Variants in APLP2 observed in about 807,000 individuals in gnomAD.
The protein encoded by APLP2 is CDEI box-binding protein.
A neutral mutation model predicts 89.9 loss-of-function variants in APLP2; 53 were observed. The observed-to-expected ratio is 0.59, with a 90% CI of 0.47 to 0.74. The LOEUF is 0.74. Among genes scored for constraint, APLP2 ranks in the 30% least tolerant of loss-of-function variants. The probability of loss-of-function intolerance (pLI) is 0.00; values close to 1 mark genes in which losing one functional copy is unlikely to be tolerated. For missense variants in APLP2, 973 were observed against 975.9 expected (o/e 1.00, Z 0.04); for synonymous variants, 372 against 348.6 (o/e 1.07, Z -0.75).
chr11:130,122,094 T>G (rs1949889616), intron 5 of APLP2, among the ~76,000 whole-genome samples: 1 of 152,200 alleles, frequency 6.6e-6, no homozygotes, highest in Non-Finnish European at 1.5e-5. Flanking sequence ...TTTGGATTTG[T>G]CTTATTGTTG....
At chr11:130,078,920 G>A (rs887528556) in intron 1 of APLP2, among the ~76,000 whole-genome samples, 2 of 151,542 alleles carry the variant, frequency 1.3e-5, no homozygotes, top group Non-Finnish European at 2.9e-5. Context: ...TAGCATCTTA[G>A]CTCTTCCCTT....
chr11:130,119,490 T>C (rs78995964), intron 3 of APLP2, among the ~76,000 whole-genome samples: 2,829 of 152,328 alleles, frequency 0.019, 44 homozygotes, highest in Non-Finnish European at 0.027. Context: ...CCCAGCTTTG[T>C]AACCACCATC....
rs918034567 is a variant in APLP2 at position 130,121,795 on chromosome 11, A to G, written c.698A>G (p.Tyr233Cys). 1.9e-5 allele frequency: 30 copies of G among 1,611,906 alleles called. No homozygotes were observed. Among genetic ancestry groups the G allele is most frequent in the Non-Finnish European group, 2.4e-5 (28 of 1,179,986 alleles). ...GAAGAGGAAGATGAAGAGGAAGACT[A>G]TGATGTTTATAAAAGGTAACTCTTC... The part of the protein sequence containing the change: ...EEEEEDEEED[Y>C]DVYKSEFPTE... Residue 233 changes from tyrosine (Y) to cysteine (C), a missense_variant, in exon 5 of 17, where the codon TAT (tyrosine) becomes TGT (cysteine). Coordinates refer to ENST00000338167, the MANE Select transcript of APLP2 (RefSeq NM_001142276.2).
chr11:130,088,262 AGG>A (rs1456183181), intron 1 of APLP2, among the ~76,000 whole-genome samples: 2 of 152,184 alleles, frequency 1.3e-5, no homozygotes, highest in Non-Finnish European at 2.9e-5. Flanking sequence ...TGATTGTTCC[AGG>A]GGGGAAAAAA....
In APLP2 at chr11:130,121,784, A is replaced by G. The variant is rs759811297; in HGVS notation, c.687A>G (p.Glu229=). 10 of 1,613,240 alleles carry G rather than the reference A, an allele frequency of 6.2e-6. No individual in the cohort carries two copies. The highest frequency in any genetic ancestry group is 5.9e-6 in the Non-Finnish European group (7 of 1,179,998). Residue 229 remains glutamate (E), a synonymous_variant, in exon 5 of 17, where the codon GAA becomes GAG. Transcript: ENST00000338167. ...EDEEEEEEED[E]EEDYDVYKSE... ...AAGAGGAAGAGGAAGAGGAAGATGA[A>G]GAGGAAGACTATGATGTTTATAAAA...
rs772757408 is a variant in APLP2 at position 130,130,170 on chromosome 11, C to T, written c.1584+4C>T. On this transcript the variant is annotated splice_donor_region_variant and intron_variant, in intron 11 of 16. Transcript: ENST00000338167. Reference sequence around the variant, plus strand: ...GGCGGCCCAGATGAAATCCCAGGTACAGTAGATGTAGTAGAAATTGCTGCC... The same window carrying T: ...GGCGGCCCAGATGAAATCCCAGGTATAGTAGATGTAGTAGAAATTGCTGCC... 8.1e-6 allele frequency: 13 copies of T among 1,614,096 alleles called. No individual in the cohort carries two copies. The highest frequency in any genetic ancestry group is 1.6e-4 in the Middle Eastern group (1 of 6,084).
At chr11:130,100,795 C>G (rs772817263) in intron 1 of APLP2, among the ~76,000 whole-genome samples, 1 of 152,116 alleles carries the variant, frequency 6.6e-6, no homozygotes, top group Non-Finnish European at 1.5e-5. Flanking sequence ...GGAGTTTTCC[C>G]CCTACACCCA....
intron 14 of APLP2, 121 bp downstream of exon 14, chr11:130,140,604 T>TGC: frequency 2.8e-6 from 2 of 707,546 alleles, no homozygotes; most frequent in Non-Finnish European, 2.2e-6. Context: ...CAGTAGAAGG[T>TGC]TGGAGGGCTC....
chr11:130,070,219 G>C (rs1216882921), intron 1 of APLP2, 137 bp downstream of exon 1: 5 of 410,514 alleles, frequency 1.2e-5, no homozygotes, highest in Non-Finnish European at 1.8e-5. Context: ...CGGGTCTGGC[G>C]CGCCCTCCCC....
rs764649597 is a variant in APLP2 at position 130,123,695 on chromosome 11, G to A, written c.1006G>A (p.Val336Met). 49 of 1,614,256 alleles carry A rather than the reference G, an allele frequency of 3.0e-5. No homozygotes were observed. The highest frequency in any genetic ancestry group is 1.6e-4 in the Middle Eastern group (1 of 6,062). ...WYFDLSKGKCVRFIYGGCGGN... is the reference protein window; with the variant it reads ...WYFDLSKGKCMRFIYGGCGGN... ...CTTCGACCTCTCCAAGGGAAAGTGC[G>A]TGCGCTTTATATATGGTGGCTGCGG... Residue 336 changes from valine to methionine, a missense_variant, in exon 7 of 17, where the codon GTG becomes ATG. Physicochemically the swap from Val to Met is conservative, Grantham distance 21 (BLOSUM62 1). Transcript: ENST00000338167. The surrounding 1 kb of genome is among the most constrained non-coding windows in gnomAD (Gnocchi z 4.0).
At chr11:130,115,079 T>C (rs1000111125) in intron 3 of APLP2, among the ~76,000 whole-genome samples, 1 of 152,190 alleles carries the variant, frequency 6.6e-6, no homozygotes, top group African/African-American at 2.4e-5. Flanking sequence ...GAAACATACC[T>C]GGGGTGACCA....
chr11:130,088,886 T>A (rs886585368), intron 1 of APLP2, among the ~76,000 whole-genome samples: 1 of 152,010 alleles, frequency 6.6e-6, no homozygotes, highest in African/African-American at 2.4e-5. Context: ...TTAAAATTCT[T>A]CCAGCCTGGT....
At chr11:130,074,903 C>T (rs1263931978) in intron 1 of APLP2, among the ~76,000 whole-genome samples, 1 of 152,034 alleles carries the variant, frequency 6.6e-6, no homozygotes, top group Admixed American at 6.6e-5. Context: ...CATGGAGGGG[C>T]CAGTTGAGAG....
At chr11:130,106,917 G>A (rs562338977) in intron 1 of APLP2, among the ~76,000 whole-genome samples, 11 of 151,842 alleles carry the variant, frequency 7.2e-5, no homozygotes, top group South Asian at 2.1e-4. Flanking sequence ...TCGAACTCTC[G>A]ACCTCGTGAT....
chr11:130,075,699 A>T (rs1942005717), intron 1 of APLP2, among the ~76,000 whole-genome samples: 1 of 152,178 alleles, frequency 6.6e-6, no homozygotes, highest in Admixed American at 6.5e-5. Context: ...ATCCCTACCT[A>T]AAAAGGGAGT....
At chr11:130,077,254 T>A (rs1205794937) in intron 1 of APLP2, among the ~76,000 whole-genome samples, 5 of 152,180 alleles carry the variant, frequency 3.3e-5, no homozygotes, top group Non-Finnish European at 7.3e-5. Flanking sequence ...TTTAAAGGGA[T>A]AATGCTATCC....
intron 1 of APLP2, among the ~76,000 whole-genome samples, chr11:130,093,354 A>T (rs1262098689): frequency 6.6e-6 from 1 of 152,242 alleles, no homozygotes; most frequent in African/African-American, 2.4e-5. Context: ...CAATGTAGGG[A>T]ATAGACAAAG....
intron 1 of APLP2, among the ~76,000 whole-genome samples, chr11:130,094,241 C>T (rs747015451): frequency 1.2e-4 from 18 of 151,538 alleles, no homozygotes; most frequent in East Asian, 1.9e-4. Flanking sequence ...TTAGTAGAGA[C>T]GGGGTTTCTC....
chr11:130,121,428 A>C (rs1316381827), intron 4 of APLP2, among the ~76,000 whole-genome samples, 186 bp from the exon 5 acceptor site: 1 of 152,170 alleles, frequency 6.6e-6, no homozygotes, highest in Non-Finnish European at 1.5e-5. Context: ...CCCATTGTAA[A>C]TTAAAATTTA....
Sources: gnomAD v4.1 joint callset for allele counts (sites outside exome capture counted in the v4.1 genomes callset) on GRCh38, gnomAD v4.1.1 for gene constraint, Gnocchi (gnomAD v3.1) non-coding constraint, MANE v1.5 for transcripts, NCBI Gene and HGNC (gene_info 2026-07-23, HGNC 2026-07-21) for gene names.